The following MARCO variants were observed in gnomAD, a reference collection of about 807,000 sequenced individuals.
MARCO encodes the protein macrophage receptor with collagenous structure.
Under a neutral mutation model 70.0 loss-of-function variants are expected in MARCO, and 72 were observed. The ratio of observed to expected loss-of-function variants is 1.03; its 90% CI spans 0.85 to 1.25. The LOEUF is 1.25. Among genes scored for constraint, MARCO ranks in the 50% most tolerant of loss-of-function variants. The pLI, the probability that MARCO is intolerant of heterozygous loss-of-function variation, is 0.00. For missense variants in MARCO, 696 were observed against 659.3 expected (o/e 1.06, Z -0.61); for synonymous variants, 273 against 243.1 (o/e 1.12, Z -1.14).
chr2:118,983,310 C>T (rs1465834251), intron 12 of MARCO, among the ~76,000 whole-genome samples: 1 of 150,322 alleles, frequency 6.7e-6, no homozygotes, highest in Non-Finnish European at 1.5e-5. Flanking sequence ...CCCTCACCCC[C>T]GTGCTGTGCT....
chr2:118,952,514 A>G (rs1038263117), intron 1 of MARCO: 10 of 152,294 alleles, frequency 6.6e-5, no homozygotes, highest in African/African-American at 2.4e-4. Flanking sequence ...CAACACCGCA[A>G]GCAGGGTTAT....
intron 13 of MARCO, among the ~76,000 whole-genome samples, chr2:118,991,051 G>A (rs1012771975): frequency 1.3e-5 from 2 of 152,058 alleles, no homozygotes; most frequent in Admixed American, 1.3e-4. Flanking sequence ...TCTGCCTCCT[G>A]CTGCCTGTCA....
chr2:118,977,958 C>A, intron 8 of MARCO, 23 bp downstream of exon 8: 2 of 1,532,538 alleles, frequency 1.3e-6, no homozygotes, highest in South Asian at 2.4e-5. Context: ...TTGGGGGTGT[C>A]GGTGCTTGCC....
At position 118,982,167 on chromosome 2, in the gene MARCO, C is replaced by T; in HGVS notation, c.913C>T (p.Leu305=). 1 of 1,611,020 alleles carries T rather than the reference C, an allele frequency of 6.2e-7. No individual in the cohort carries two copies. The highest frequency in any genetic ancestry group is 1.1e-5 in the South Asian group (1 of 90,924). ...GAKGDQGQPG[L]QGVPGPPGAV... ...TACTTTCCTTTCAGGACAACCTGGA[C>T]TGCAGGGTGTTCCGGGCCCTCCTGG... The change falls in exon 11 of 17, where the codon CTG becomes TTG. Residue 305 remains leucine (L), a synonymous_variant. Transcript: ENST00000327097.
chr2:118,955,984 C>G (rs897282807), intron 1 of MARCO, among the ~76,000 whole-genome samples: 67 of 152,142 alleles, frequency 4.4e-4, no homozygotes, highest in African/African-American at 1.6e-3. Context: ...AATCTTGAAA[C>G]AAATCCCAGA....
intron 8 of MARCO, among the ~76,000 whole-genome samples, chr2:118,978,161 G>A (rs978268531): frequency 1.3e-5 from 2 of 152,164 alleles, no homozygotes; most frequent in Non-Finnish European, 2.9e-5. Flanking sequence ...GCAAGCTGGG[G>A]CACAGGCAGT....
chr2:118,959,320 A>G (rs1679897772), intron 1 of MARCO, among the ~76,000 whole-genome samples: 1 of 152,184 alleles, frequency 6.6e-6, no homozygotes, highest in Non-Finnish European at 1.5e-5. Context: ...AAAGTGGGCT[A>G]AGGATATGAA....
chr2:118,977,722 G>A (rs1225275010), intron 7 of MARCO, 106 bp from the exon 8 acceptor site: 4 of 911,654 alleles, frequency 4.4e-6, no homozygotes, highest in African/African-American at 3.4e-5. Context: ...AGGAAATCTG[G>A]GGATCCCATT....
At chr2:118,979,271 G>A (rs1405781025) in intron 8 of MARCO, among the ~76,000 whole-genome samples, 2 of 152,182 alleles carry the variant, frequency 1.3e-5, no homozygotes, top group Non-Finnish European at 2.9e-5. Context: ...GTTTCAGGAG[G>A]ACCAATTGTG....
intron 12 of MARCO, among the ~76,000 whole-genome samples, chr2:118,988,001 A>T (rs1573408750): frequency 6.6e-6 from 1 of 152,152 alleles, no homozygotes; most frequent in Non-Finnish European, 1.5e-5. Context: ...GACAGCCCCA[A>T]CTTCCCCCAT....
Position 118,968,781 on chromosome 2 carries a change from C to T in MARCO, c.98-379C>T, listed in dbSNP as rs1278508306. 3.3e-5 allele frequency among the ~76,000 whole-genome samples: 5 copies of T among 152,204 alleles called. 1 individual carries two copies. The highest frequency in any genetic ancestry group is 9.6e-5 in the African/African-American group (4 of 41,452). ...TGTTTGCCAAATGGGAACAACCCTC[C>T]TCCTCCCAGAGTTTTGAAATTTAAA... On this transcript the variant is annotated intron_variant, in intron 1 of 16. Coordinates refer to ENST00000327097, the MANE Select transcript of MARCO (RefSeq NM_006770.4).
chr2:118,950,180 A>G (rs1303493581), intron 1 of MARCO, among the ~76,000 whole-genome samples: 3 of 152,208 alleles, frequency 2.0e-5, no homozygotes, highest in Admixed American at 2.0e-4. Context: ...TGAGTGTGTC[A>G]TTAATGTTAA....
In MARCO at chr2:118,981,615, T is replaced by G; in HGVS notation, c.866-6T>G. 1.2e-6 allele frequency: 2 copies of G among 1,613,386 alleles called. No individual in the cohort carries two copies. Among genetic ancestry groups the G allele is most frequent in the Non-Finnish European group, 1.7e-6 (2 of 1,179,782 alleles). ...AAAAATTCCTAAAAGTTCTTTTTCA[T>G]CTTAGGTTTGGCTGGTTTTCCTGGA... On this transcript the variant is annotated splice_polypyrimidine_tract_variant and splice_region_variant and intron_variant, in intron 9 of 16. Transcript: ENST00000327097.
intron 1 of MARCO, among the ~76,000 whole-genome samples, chr2:118,958,681 A>G (rs1228453327): frequency 6.6e-6 from 1 of 152,166 alleles, no homozygotes; most frequent in Non-Finnish European, 1.5e-5. Context: ...GGAACCAAAA[A>G]AGAGAAGGCA....
intron 1 of MARCO, among the ~76,000 whole-genome samples, chr2:118,960,390 TTAGA>T (rs1202560400): frequency 1.3e-5 from 2 of 152,072 alleles, no homozygotes; most frequent in Non-Finnish European, 2.9e-5. Flanking sequence ...GATGTTAGCT[TTAGA>T]TAGTTTGTAG....
intron 9 of MARCO, 44 bp downstream of exon 9, chr2:118,981,551 CTT>C (rs111379161): frequency 1.1e-3 from 1,565 of 1,434,362 alleles, no homozygotes; most frequent in Admixed American, 1.2e-3. Flanking sequence ...TAGGTATTTC[CTT>C]TTTTTTTTTT....
chr2:118,954,550 C>G (rs945144140), intron 1 of MARCO, among the ~76,000 whole-genome samples: 5 of 152,176 alleles, frequency 3.3e-5, no homozygotes, highest in Non-Finnish European at 5.9e-5. Context: ...CACTGCCAGT[C>G]CCCCTCCACA....
chr2:118,986,594 A>AAAGG lies in MARCO; in HGVS notation c.1064-3992_1064-3991insGAAG, dbSNP rs1680491589. ...GGAGGGAGGGAAGGAAAGAAGAAAG[A>AAAGG]AAGAAAGAAAGAAAGAAAGAAAGAA... On this transcript the variant is annotated intron_variant, in intron 12 of 16. Coordinates refer to ENST00000327097, the MANE Select transcript of MARCO (RefSeq NM_006770.4). Among the ~76,000 whole-genome samples the AAAGG allele has an allele frequency of 4.9e-4, 4 of 8,210 alleles. No individual in the cohort carries two copies. In the South Asian group the frequency reaches 0.027, roughly 55 times the overall value. 5.4% of individuals were successfully genotyped at this position (8,210 alleles called of 152,430 possible).
In MARCO at chr2:118,990,573, T is replaced by C; in HGVS notation, c.1064-16T>C. On this transcript the variant is annotated splice_polypyrimidine_tract_variant and intron_variant, in intron 12 of 16. Transcript: ENST00000327097. ...TTATTATCTCCTCCCCCCCCCCTTTTTTGTTTTGATCTTAGGACTTCAAGG... is the reference window on the plus strand; with the variant it reads ...TTATTATCTCCTCCCCCCCCCCTTTCTTGTTTTGATCTTAGGACTTCAAGG... 1 of 1,046,760 alleles carries C rather than the reference T, an allele frequency of 9.6e-7. No homozygotes were observed. The highest frequency in any genetic ancestry group is 1.5e-6 in the Non-Finnish European group (1 of 689,024). 64.8% of individuals were successfully genotyped at this position (1,046,760 alleles called of 1,614,324 possible).
Sources: allele counts gnomAD v4.1 joint callset (sites outside exome capture counted in the v4.1 genomes callset), GRCh38; gene constraint gnomAD v4.1.1; transcripts MANE v1.5; gene names NCBI Gene and HGNC (gene_info 2026-07-23, HGNC 2026-07-21).